Variants in HIBCH observed in about 807,000 individuals in gnomAD.
The protein encoded by HIBCH is 3-hydroxyisobutyryl-CoA hydrolase, mitochondrial.
HIBCH carries 50 observed loss-of-function variants against 58.2 expected under a neutral mutation model. The observed-to-expected ratio is 0.86, with a 90% CI of 0.68 to 1.09. HIBCH has a LOEUF of 1.09. Ranked by LOEUF, HIBCH falls within the 50% of genes least tolerant of loss-of-function variation. The pLI, the probability that HIBCH is intolerant of heterozygous loss-of-function variation, is 0.00. For synonymous variants in HIBCH, 151 were observed against 146.9 expected (o/e 1.03, Z -0.20); for missense variants, 450 against 449.7 (o/e 1.00, Z -0.01).
intron 2 of HIBCH, among the ~76,000 whole-genome samples, chr2:190,309,325 C>T (rs1688496306): frequency 6.6e-6 from 1 of 152,102 alleles, no homozygotes. Flanking sequence ...TGAAAATTAA[C>T]TGAGCTAACC....
intron 6 of HIBCH, among the ~76,000 whole-genome samples, chr2:190,287,058 G>GTTTGTGTGTA (rs10662510): frequency 6.8e-6 from 1 of 147,684 alleles, no homozygotes; most frequent in African/African-American, 2.5e-5. Flanking sequence ...GTGTGTGTGT[G>GTTTGTGTGTA]TATACATATA....
intron 11 of HIBCH, among the ~76,000 whole-genome samples, chr2:190,233,634 C>G (rs954489702): frequency 6.6e-6 from 1 of 152,124 alleles, no homozygotes; most frequent in African/African-American, 2.4e-5. Context: ...GAGATGAATA[C>G]AGAGGATAAT....
intron 6 of HIBCH, among the ~76,000 whole-genome samples, chr2:190,265,310 G>A (rs1464799344): frequency 1.5e-5 from 2 of 136,082 alleles, no homozygotes; most frequent in Non-Finnish European, 3.2e-5. Flanking sequence ...CTATATGTTA[G>A]TATTTCACTG....
intron 1 of HIBCH, among the ~76,000 whole-genome samples, chr2:190,193,642 A>G (rs533746870): frequency 3.3e-5 from 5 of 152,198 alleles, no homozygotes; most frequent in African/African-American, 9.6e-5. Flanking sequence ...AATTGTTTAT[A>G]TTATTCCTGT....
At position 190,197,058 on chromosome 2, in the gene HIBCH, A is replaced by G. The variant is rs923684846; in HGVS notation, c.*18-7061T>C. ...TTTCACTGTGGCCTCACATGTCAGTAGGGGCAAGGGAACTCTCTGGGGTCT... is the reference window on the plus strand; with the variant it reads ...TTTCACTGTGGCCTCACATGTCAGTGGGGGCAAGGGAACTCTCTGGGGTCT... On this transcript the variant is annotated intron_variant, in intron 1 of 1. Coordinates refer to the HIBCH transcript ENST00000399855. The surrounding 1 kb of genome is among the most constrained non-coding windows in gnomAD (Gnocchi z 4.0). 1.3e-5 allele frequency among the ~76,000 whole-genome samples: 2 copies of G among 152,142 alleles called. No homozygotes were observed. The highest frequency in any genetic ancestry group is 2.4e-5 in the African/African-American group (1 of 41,424).
In HIBCH at chr2:190,207,267, T is replaced by C. The variant is rs1437531861; in HGVS notation, c.1045+1613A>G. Among the ~76,000 whole-genome samples, 2 of 152,210 alleles carry C rather than the reference T, an allele frequency of 1.3e-5. No homozygotes were observed. The highest frequency in any genetic ancestry group is 1.9e-4 in the East Asian group (1 of 5,200). On this transcript the variant is annotated intron_variant, in intron 13 of 13. Transcript: ENST00000359678. This position sits in a 1 kb window ranked among gnomAD's most constrained non-coding sequence, Gnocchi z 4.5. The stretch of plus-strand genomic sequence containing the variant: ...TATCTTTCTTTTTAAAGAAGGGCTA[T>C]TATAACATATAATGAATACTTTAAC...
At position 190,243,829 on chromosome 2, in the gene HIBCH, C is replaced by A. The variant is rs1036083768; in HGVS notation, c.891+1058G>T. 2.6e-5 allele frequency among the ~76,000 whole-genome samples: 4 copies of A among 151,962 alleles called. No homozygotes were observed. The highest frequency in any genetic ancestry group is 5.9e-5 in the Non-Finnish European group (4 of 67,976). ...CAAAAAAATACAAAAAATTAGCCAC[C>A]CGTGGTGGCACACGCCCGTAGTCCC... On this transcript the variant is annotated intron_variant, in intron 11 of 13. Transcript: ENST00000359678. This position sits in a 1 kb window ranked among gnomAD's most constrained non-coding sequence, Gnocchi z 4.1.
chr2:190,289,334 A>G (rs77182549), intron 5 of HIBCH, among the ~76,000 whole-genome samples: 91 of 152,280 alleles, frequency 6.0e-4, no homozygotes, highest in African/African-American at 2.0e-3. Flanking sequence ...TAAAAGGCAC[A>G]TGACAAAAAC....
intron 6 of HIBCH, among the ~76,000 whole-genome samples, chr2:190,285,343 T>C (rs1687803819): frequency 1.3e-5 from 2 of 152,206 alleles, no homozygotes; most frequent in South Asian, 2.1e-4. Flanking sequence ...TTCTTTCACA[T>C]TCACAGGGCA....
At chr2:190,199,671 A>G (rs976240599), downstream of HIBCH, 4 of 1,394,272 alleles carry the variant, frequency 2.9e-6, no homozygotes, top group East Asian at 7.6e-5. Flanking sequence ...TGTAACTTCA[A>G]AATGAAACCT....
intron 11 of HIBCH, among the ~76,000 whole-genome samples, chr2:190,242,056 G>A (rs1427387340): frequency 6.6e-6 from 1 of 152,118 alleles, no homozygotes; most frequent in East Asian, 1.9e-4. Flanking sequence ...CCTGAAGTGT[G>A]TTTTAACTTG....
In HIBCH at chr2:190,206,629, C is replaced by T. The variant is rs978771491; in HGVS notation, c.1046-1397G>A. ...TGGTCTTTTTTTCTTCTTCTATAAC[C>T]ACAAAGTAGTAATTTGTTCTAGATG... On this transcript the variant is annotated intron_variant, in intron 13 of 13. Transcript: ENST00000359678. This position sits in a 1 kb window ranked among gnomAD's most constrained non-coding sequence, Gnocchi z 5.1. 3.3e-5 allele frequency among the ~76,000 whole-genome samples: 5 copies of T among 152,092 alleles called. No individual in the cohort carries two copies. Among genetic ancestry groups the T allele is most frequent in the African/African-American group, 1.2e-4 (5 of 41,424 alleles).
At chr2:190,194,481 C>T (rs903742991) in intron 1 of HIBCH, among the ~76,000 whole-genome samples, 2 of 93,284 alleles carry the variant, frequency 2.1e-5, no homozygotes, top group Admixed American at 9.3e-5. Flanking sequence ...TGTGTATACA[C>T]ACACACACAC....
intron 11 of HIBCH, among the ~76,000 whole-genome samples, chr2:190,233,189 T>C (rs902741963): frequency 3.9e-5 from 6 of 152,046 alleles, no homozygotes; most frequent in Non-Finnish European, 7.4e-5. Context: ...TTAAACAGGA[T>C]ATAAAAGAAC....
At chr2:190,278,503 C>T (rs571704996) in intron 6 of HIBCH, among the ~76,000 whole-genome samples, 16 of 152,276 alleles carry the variant, frequency 1.1e-4, no homozygotes, top group South Asian at 2.1e-4. Flanking sequence ...CGTGCCCAGC[C>T]TAGAATCTGC....
At chr2:190,308,351 G>A (rs372581250) in intron 2 of HIBCH, among the ~76,000 whole-genome samples, 3 of 152,124 alleles carry the variant, frequency 2.0e-5, no homozygotes, top group South Asian at 4.1e-4. Flanking sequence ...GCTATGGTTC[G>A]AGTATTTGCC....
intron 3 of HIBCH, among the ~76,000 whole-genome samples, chr2:190,295,631 T>C (rs1173906352): frequency 6.6e-6 from 1 of 152,224 alleles, no homozygotes; most frequent in East Asian, 1.9e-4. Context: ...GACGTGATTG[T>C]CCAAAAGGTT....
At chr2:190,274,365 CAT>C (rs1259755251) in intron 6 of HIBCH, among the ~76,000 whole-genome samples, 3 of 152,290 alleles carry the variant, frequency 2.0e-5, no homozygotes, top group Non-Finnish European at 4.4e-5. Context: ...AGTGGATAAA[CAT>C]AATCTGATTC....
At chr2:190,318,990 G>T (rs887136022) in intron 1 of HIBCH, among the ~76,000 whole-genome samples, 23 of 152,128 alleles carry the variant, frequency 1.5e-4, no homozygotes, top group Admixed American at 1.3e-4. Context: ...AAGGCTTAAA[G>T]AATCCAGTAA....
Sources: allele counts gnomAD v4.1 joint callset (sites outside exome capture counted in the v4.1 genomes callset), GRCh38; gene constraint gnomAD v4.1.1; non-coding constraint Gnocchi (gnomAD v3.1); transcripts MANE v1.5; gene names NCBI Gene and HGNC (gene_info 2026-07-23, HGNC 2026-07-21).